Variants in ARFGEF1 observed in about 807,000 individuals in gnomAD.
ARFGEF1 encodes brefeldin A-inhibited guanine nucleotide-exchange protein 1.
A neutral mutation model predicts 231.0 loss-of-function variants in ARFGEF1; 42 were observed. That is an observed-to-expected ratio of 0.18 (90% CI 0.14 to 0.24). The LOEUF (loss-of-function observed/expected upper bound fraction) is 0.24. Among genes scored for constraint, ARFGEF1 ranks in the 10% least tolerant of loss-of-function variants. ARFGEF1 has a pLI of 1.00. For missense variants in ARFGEF1, 1,345 were observed against 2,192.0 expected (o/e 0.61, Z 7.72); for synonymous variants, 710 against 732.3 (o/e 0.97, Z 0.49).
At chr8:67,201,701 C>T in intron 36 of ARFGEF1, 96 bp from the exon 37 acceptor site, 1 of 1,510,808 alleles carries the variant, frequency 6.6e-7, no homozygotes, top group Non-Finnish European at 9.0e-7. Flanking sequence ...TGTGCTCAGC[C>T]ATCAGCATCT....
rs775243712 is a variant in ARFGEF1, at chr8:67,296,443, C to A, written c.627G>T (p.Met209Ile). 1 of 1,613,672 alleles carries A rather than the reference C, an allele frequency of 6.2e-7. No individual in the cohort carries two copies. The highest frequency in any genetic ancestry group is 1.1e-5 in the South Asian group (1 of 91,046). ...TQMLNVIFARMENQALQEAKQ... is the reference protein window; with the variant it reads ...TQMLNVIFARIENQALQEAKQ... The stretch of plus-strand genomic sequence containing the variant: ...TTAAAATACTTACTGCTTGGTTTTC[C>A]ATGCGTGCAAAGATAACATTTAGCA... The change falls in exon 5 of 39, where the codon ATG becomes ATT. Residue 209 changes from methionine to isoleucine, a missense_variant. Physicochemically the swap from Met to Ile is conservative, Grantham distance 10. Coordinates refer to ENST00000262215, the MANE Select transcript of ARFGEF1 (RefSeq NM_006421.5).
In ARFGEF1 at chr8:67,337,128, C is replaced by CAAAA. The variant is rs1160016610; in HGVS notation, c.124+6032_124+6035dup. ...TGTGTGACAGAGCGTGACGCCGTCT[C>CAAAA]AAAAAAAAAAAAAAAAAAAAAAACA... On this transcript the variant is annotated intron_variant, in intron 1 of 38. Coordinates refer to ENST00000262215, the MANE Select transcript of ARFGEF1 (RefSeq NM_006421.5). 5.0e-3 allele frequency among the ~76,000 whole-genome samples: 273 copies of CAAAA among 54,238 alleles called. 21 individuals carry two copies. The highest frequency in any genetic ancestry group is 0.013 in the African/African-American group (170 of 13,586). The allele number at this position is 54,238 out of a possible 152,430, so 35.6% of individuals were successfully genotyped here.
At chr8:67,215,750 A>G (rs1284863433) in intron 33 of ARFGEF1, among the ~76,000 whole-genome samples, 3 of 152,232 alleles carry the variant, frequency 2.0e-5, no homozygotes, top group Admixed American at 6.5e-5. Context: ...TTGATTTAGG[A>G]CCCATGGTCT....
chr8:67,325,293 T>C (rs1807785046), intron 1 of ARFGEF1, among the ~76,000 whole-genome samples: 1 of 151,968 alleles, frequency 6.6e-6, no homozygotes, highest in East Asian at 1.9e-4. Flanking sequence ...ATCAACAAAT[T>C]ATAATGAGTG....
In ARFGEF1 at chr8:67,226,087, TC is replaced by T; in HGVS notation, c.4012del (p.Asp1338ThrfsTer32). On this transcript the variant is annotated frameshift_variant, in exon 28 of 39. Coordinates refer to ENST00000262215, the MANE Select transcript of ARFGEF1 (RefSeq NM_006421.5). LOFTEE classifies it high-confidence loss of function. The stretch of plus-strand genomic sequence containing the variant: ...AAGTCGAATTGCTTCCATACTTGTG[TC>T]TGGGAAAGCTGCATTGCACGCAAAT... ...SEFACNAAFP[D>X]TSMEAIRLIR... 6.2e-7 allele frequency: 1 copy of T among 1,613,432 alleles called. No individual in the cohort carries two copies. The highest frequency in any genetic ancestry group is 8.5e-7 in the Non-Finnish European group (1 of 1,179,594).
chr8:67,246,073 T>C (rs1840097868), intron 19 of ARFGEF1, among the ~76,000 whole-genome samples: 1 of 150,136 alleles, frequency 6.7e-6, no homozygotes, highest in Non-Finnish European at 1.5e-5. Context: ...TGTGTGTGTA[T>C]ATATATAGAT....
chr8:67,242,200 G>A (rs1284317781), intron 19 of ARFGEF1, among the ~76,000 whole-genome samples: 1 of 152,192 alleles, frequency 6.6e-6, no homozygotes, highest in Non-Finnish European at 1.5e-5. Flanking sequence ...GGCAGTGGAC[G>A]TGGAGGATAC....
Position 67,343,267 on chromosome 8 carries a change from C to T in ARFGEF1, c.21G>A (p.Thr7=), listed in dbSNP as rs1180349851. 6.2e-7 allele frequency: 1 copy of T among 1,613,836 alleles called. No homozygotes were observed. The highest frequency in any genetic ancestry group is 8.5e-7 in the Non-Finnish European group (1 of 1,179,798). The part of the protein sequence containing the change: MYEGKK[T]KNMFLTRALE... ...GAGCCCGGGTCAGGAACATGTTCTT[C>T]GTCTTCTTCCCCTCATACATGGACG... The change falls in exon 1 of 39, where the codon ACG becomes ACA. Residue 7 remains threonine (T), a synonymous_variant. Coordinates refer to ENST00000262215, the MANE Select transcript of ARFGEF1 (RefSeq NM_006421.5).
At chr8:67,196,659 ATT>A (rs1254177569), downstream of ARFGEF1, among the ~76,000 whole-genome samples, 1 of 152,164 alleles carries the variant, frequency 6.6e-6, no homozygotes, top group African/African-American at 2.4e-5. Context: ...TAATCGGACC[ATT>A]GTTTGTTTGC....
At chr8:67,294,712 CA>C (rs1196378474) in intron 5 of ARFGEF1, among the ~76,000 whole-genome samples, 1 of 152,124 alleles carries the variant, frequency 6.6e-6, no homozygotes, top group Non-Finnish European at 1.5e-5. Flanking sequence ...TTATTACCTA[CA>C]TATGGAAAGT....
At chr8:67,342,111 G>C (rs1270672332) in intron 1 of ARFGEF1, among the ~76,000 whole-genome samples, 1 of 152,060 alleles carries the variant, frequency 6.6e-6, no homozygotes, top group Non-Finnish European at 1.5e-5. Context: ...TTTTTGTAAA[G>C]CCCATTTAAC....
intron 1 of ARFGEF1, among the ~76,000 whole-genome samples, chr8:67,335,067 A>G (rs1808279085): frequency 6.6e-6 from 1 of 151,318 alleles, no homozygotes; most frequent in Admixed American, 6.6e-5. Flanking sequence ...AGTTAACAGT[A>G]GTTATTTATC....
intron 1 of ARFGEF1, among the ~76,000 whole-genome samples, chr8:67,321,145 T>C (rs907203041): frequency 1.6e-5 from 2 of 121,644 alleles, no homozygotes; most frequent in African/African-American, 3.2e-5. Context: ...ATGTGAGAAA[T>C]GGTGTGACTA....
chr8:67,195,483 T>TCAGAAAC (rs1837748745), downstream of ARFGEF1: 2 of 1,614,096 alleles, frequency 1.2e-6, no homozygotes, highest in African/African-American at 2.7e-5. Flanking sequence ...CCCTGGCACT[T>TCAGAAAC]CAGAAACGCT....
At position 67,214,426 on chromosome 8, in the gene ARFGEF1, A is replaced by G. The variant is rs1838855352; in HGVS notation, c.4686+2164T>C. On this transcript the variant is annotated intron_variant, in intron 33 of 38. Transcript: ENST00000262215. Reference sequence around the variant, plus strand: ...TCCTTGCTGTTTATAGTACAATGCAAGAAGAAGATATATTGATGAAAGAAC... The same window carrying G: ...TCCTTGCTGTTTATAGTACAATGCAGGAAGAAGATATATTGATGAAAGAAC... Among the ~76,000 whole-genome samples the G allele has an allele frequency of 2.0e-5, 3 of 152,208 alleles. No individual in the cohort carries two copies. The South Asian group carries it at 6.2e-4, about 31-fold the overall frequency.
At chr8:67,265,965 G>C (rs1804834814) in intron 14 of ARFGEF1, 41 bp downstream of exon 14, 1 of 1,591,192 alleles carries the variant, frequency 6.3e-7, no homozygotes, top group East Asian at 2.2e-5. Flanking sequence ...TACTGGCAGA[G>C]AGATATTCAA....
chr8:67,181,557 T>C (rs938443901), intron 5 of ARFGEF1, among the ~76,000 whole-genome samples: 15 of 152,006 alleles, frequency 9.9e-5, no homozygotes. Context: ...GTATTTATGG[T>C]TAACAGTCAC....
chr8:67,303,544 C>G (rs1806597144), intron 1 of ARFGEF1, among the ~76,000 whole-genome samples: 1 of 151,994 alleles, frequency 6.6e-6, no homozygotes, highest in Non-Finnish European at 1.5e-5. Flanking sequence ...AACATCGTCT[C>G]TACTAAAAAC....
At chr8:67,304,263 T>G (rs1806636172) in intron 1 of ARFGEF1, among the ~76,000 whole-genome samples, 1 of 152,236 alleles carries the variant, frequency 6.6e-6, no homozygotes, top group African/African-American at 2.4e-5. Context: ...CCATACAACT[T>G]ATTCATACAA....
Sources: allele counts gnomAD v4.1 joint callset (sites outside exome capture counted in the v4.1 genomes callset), GRCh38; gene constraint gnomAD v4.1.1; transcripts MANE v1.5; gene names NCBI Gene and HGNC (gene_info 2026-07-23, HGNC 2026-07-21).